KAT5: variants seen among roughly 807,000 people sequenced by gnomAD.
KAT5 encodes the protein lysine acetyltransferase 5.
In KAT5, 31 loss-of-function variants were observed where a neutral mutation model predicts 68.1. That is an observed-to-expected ratio of 0.46 (90% CI 0.34 to 0.61). The LOEUF (loss-of-function observed/expected upper bound fraction) is 0.61. Ranked by LOEUF, KAT5 falls within the 20% of genes least tolerant of loss-of-function variation. The pLI is 0.01. For synonymous variants in KAT5, 365 were observed against 292.6 expected, an observed-to-expected ratio of 1.25 and a Z score of -2.52; for missense variants, 451 against 725.5, an observed-to-expected ratio of 0.62 and a Z score of 4.35.
chr11:65,717,359 G>T, intron 10 of KAT5: 2 of 330,954 alleles, frequency 6.0e-6, no homozygotes, highest in East Asian at 7.0e-5. Context: ...AATGTCCCCA[G>T]TTGTCCCCTG....
chr11:65,712,201 A>C (rs1346155770), upstream of KAT5: 2 of 1,371,156 alleles, frequency 1.5e-6, no homozygotes, highest in Non-Finnish European at 1.9e-6. Context: ...GCCCGGGCCC[A>C]CAGGGCGCTC....
intron 6 of KAT5, 153 bp from the exon 7 acceptor site, chr11:65,714,342 G>C: frequency 1.2e-6 from 1 of 808,838 alleles, no homozygotes; most frequent in Non-Finnish European, 1.9e-6. Context: ...GATCCTTTAG[G>C]GTTTCAGGTT....
At chr11:65,715,883 C>T (rs1857175111) in intron 8 of KAT5, 2 of 151,676 alleles carry the variant, frequency 1.3e-5, no homozygotes, top group Admixed American at 1.3e-4. Context: ...CCAGCCTGGG[C>T]AACATGGAGA....
At chr11:65,712,639 A>C (rs1481436635) in intron 1 of KAT5, 127 bp from the exon 2 acceptor site, 2 of 1,267,384 alleles carry the variant, frequency 1.6e-6, no homozygotes, top group Non-Finnish European at 2.3e-6. Context: ...TTGTGACTGA[A>C]GGAGGCTTAG....
chr11:65,715,168 G>A, intron 8 of KAT5: 1 of 498,504 alleles, frequency 2.0e-6, no homozygotes, highest in South Asian at 2.1e-5. Flanking sequence ...AGGTTAGCAG[G>A]ACCCAAAGGA....
rs911516666 is a variant in KAT5, at chr11:65,713,831, T to C, written c.673T>C (p.Cys225Arg). 6.3e-7 allele frequency: 1 copy of C among 1,587,700 alleles called. No individual in the cohort carries two copies. The highest frequency in any genetic ancestry group is 8.6e-7 in the Non-Finnish European group (1 of 1,166,696). ...GCCAGGACGGAAGCGAAAATCGAAT[T>C]GTTTGGGCACTGATGAGGTGGGTCT... is the stretch of plus-strand genomic sequence containing the variant. Reference protein sequence around the residue: ...AQPGRKRKSNCLGTDEDSQDS... With the variant: ...AQPGRKRKSNRLGTDEDSQDS... The change falls in exon 6 of 13, where the codon TGT (cysteine) becomes CGT (arginine). Residue 225 changes from cysteine (C) to arginine (R), a missense_variant. Physicochemically the swap from Cys to Arg is radical, Grantham distance 180. This residue lies in a region of KAT5 where 210 missense variants were observed against 423.7 expected (regional missense o/e 0.50). Coordinates refer to ENST00000341318, the MANE Select transcript of KAT5 (RefSeq NM_182710.3).
In KAT5 at chr11:65,719,323, G is replaced by A. The variant is rs1857317409; in HGVS notation, c.*142G>A. The A allele has an allele frequency of 9.6e-7, 1 of 1,046,796 alleles. No individual in the cohort carries two copies. Among genetic ancestry groups the A allele is most frequent in the East Asian group, 2.6e-5 (1 of 38,742 alleles). The allele number at this position is 1,046,796 out of a possible 1,614,324, so 64.8% of individuals were successfully genotyped here. ...AAAAAGGAGAGGACAGGCCTGGCAG[G>A]GGCCCACTGGTGCCCAGCACCAAGG... On this transcript the variant is annotated 3_prime_UTR_variant, in exon 13 of 13. Coordinates refer to ENST00000341318, the MANE Select transcript of KAT5 (RefSeq NM_182710.3).
chr11:65,718,547 A>C (rs774544891), intron 10 of KAT5, 43 bp from the exon 11 acceptor site: 2 of 1,587,502 alleles, frequency 1.3e-6, no homozygotes, highest in South Asian at 2.2e-5. Context: ...GCTTATGTTC[A>C]TCTGTGACCT....
rs1421906856 is a variant in KAT5 at position 65,717,224 on chromosome 11, C to G, written c.1264+242C>G. 23 of 581,142 alleles carry G rather than the reference C, an allele frequency of 4.0e-5. No homozygotes were observed. In the East Asian group the frequency reaches 4.3e-4, roughly 11 times the overall value. The allele number at this position is 581,142 out of a possible 1,614,324, so 36.0% of individuals were successfully genotyped here. Reference sequence around the variant, plus strand: ...GGCCAGGGTTCTAAGTGCCACTCAGCTTTCCCCAAATCTGACTTACGTGCT... The same window carrying G: ...GGCCAGGGTTCTAAGTGCCACTCAGGTTTCCCCAAATCTGACTTACGTGCT... On this transcript the variant is annotated intron_variant, in intron 10 of 12. Coordinates refer to ENST00000341318, the MANE Select transcript of KAT5 (RefSeq NM_182710.3).
rs201326733 is a variant in KAT5 at position 65,719,036 on chromosome 11, C to T, written c.1507-11C>T. ...GGCTGACCACCTGCTGAACCCATCT[C>T]CTCTGCCCAGGGCCAGTACATCCTC... On this transcript the variant is annotated splice_polypyrimidine_tract_variant and intron_variant, in intron 12 of 12. Transcript: ENST00000341318. The T allele has an allele frequency of 9.9e-5, 159 of 1,613,982 alleles. No homozygotes were observed. The highest frequency in any genetic ancestry group is 2.7e-5 in the African/African-American group (2 of 74,920).
Position 65,714,671 on chromosome 11 carries a change from A to G in KAT5, c.867A>G (p.Thr289=), listed in dbSNP as rs758845267. ...CCCCGTACCCACAGGAACTCACCAC[A>G]TTGCCTGTCCTCTACCTGTGCGAGT... is the stretch of plus-strand genomic sequence containing the variant. ...YFSPYPQELT[T]LPVLYLCEFC... The change falls in exon 7 of 13, where the codon ACA becomes ACG. Residue 289 remains threonine (T), a synonymous_variant. Transcript: ENST00000341318. The G allele has an allele frequency of 7.4e-6, 12 of 1,614,010 alleles. No homozygotes were observed. The highest frequency in any genetic ancestry group is 5.5e-5 in the South Asian group (5 of 91,084).
At chr11:65,718,490 G>A (rs1857282383) in intron 10 of KAT5, 100 bp from the exon 11 acceptor site, 4 of 1,259,130 alleles carry the variant, frequency 3.2e-6, no homozygotes, top group Non-Finnish European at 4.5e-6. Flanking sequence ...GCAGGGCCAT[G>A]ATAGGAACTA....
rs1857325696 is a variant in KAT5 at position 65,719,520 on chromosome 11, T to TG, written c.*344dup. 3.3e-6 allele frequency: 2 copies of TG among 612,820 alleles called. No homozygotes were observed. Among genetic ancestry groups the TG allele is most frequent in the Non-Finnish European group, 5.7e-6 (2 of 348,264 alleles). The allele number at this position is 612,820 out of a possible 1,614,324, so 38.0% of individuals were successfully genotyped here. ...AAAATTTCTTTTGTAAAGTAGAAGT[T>TG]GGGGGTGGGGTGGGTGCTGGCTGCA... is the stretch of plus-strand genomic sequence containing the variant. On this transcript the variant is annotated 3_prime_UTR_variant, in exon 13 of 13. Coordinates refer to ENST00000341318, the MANE Select transcript of KAT5 (RefSeq NM_182710.3).
At chr11:65,713,104 C>A (rs765060797) in intron 3 of KAT5, 46 bp downstream of exon 3, 34 of 1,609,080 alleles carry the variant, frequency 2.1e-5, no homozygotes, top group Non-Finnish European at 2.5e-5. Context: ...CCTCCTATTT[C>A]TCTTGTCTGT....
chr11:65,717,074 C>A, intron 10 of KAT5, 92 bp downstream of exon 10: 1 of 1,019,378 alleles, frequency 9.8e-7, no homozygotes, highest in South Asian at 1.3e-5. Flanking sequence ...TCAACCCTGG[C>A]TGTGCAGCCC....
chr11:65,719,139 G>C lies in KAT5; in HGVS notation c.1599G>C (p.Leu533=). 6.2e-7 allele frequency: 1 copy of C among 1,614,190 alleles called. No homozygotes were observed. Among genetic ancestry groups the C allele is most frequent in the South Asian group, 1.1e-5 (1 of 91,084 alleles). Residue 533 remains leucine (L), a synonymous_variant, in exon 13 of 13, where the codon CTG becomes CTC. Coordinates refer to ENST00000341318, the MANE Select transcript of KAT5 (RefSeq NM_182710.3). ...TCCTGCGGATCGACTCCAAGTGTCT[G>C]CACTTCACTCCCAAGGACTGGAGCA... ...KRLLRIDSKC[L]HFTPKDWSKR...
At chr11:65,715,395 T>C in intron 8 of KAT5, 1 of 176,842 alleles carries the variant, frequency 5.7e-6, no homozygotes, top group Non-Finnish European at 1.2e-5. Context: ...GATGCTGTGT[T>C]AACCACCATT....
Position 65,714,817 on chromosome 11 carries a change from C to T in KAT5, c.940-4C>T. 1 of 1,614,178 alleles carries T rather than the reference C, an allele frequency of 6.2e-7. No individual in the cohort carries two copies. ...CTTGTTCCTGATCCTCCTCTCTTCC[C>T]CAGACCAAGTGTGACCTACGACATC... is the stretch of plus-strand genomic sequence containing the variant. On this transcript the variant is annotated splice_region_variant and splice_polypyrimidine_tract_variant and intron_variant, in intron 7 of 12. Coordinates refer to ENST00000341318, the MANE Select transcript of KAT5 (RefSeq NM_182710.3).
At chr11:65,714,063 C>T (rs911225281) in intron 6 of KAT5, 1 of 582,038 alleles carries the variant, frequency 1.7e-6, no homozygotes, top group African/African-American at 1.9e-5. Context: ...GGGAGTCCAA[C>T]CAAGGCTGGT....
Sources: gnomAD v4.1 joint callset for allele counts on GRCh38, gnomAD v4.1.1 for gene constraint, gnomAD v4.1.1 regional missense constraint, MANE v1.5 for transcripts, NCBI Gene and HGNC (gene_info 2026-07-23, HGNC 2026-07-21) for gene names.